GABRA1: variants seen among roughly 807,000 people sequenced by gnomAD.
GABRA1 encodes gamma-aminobutyric acid type A receptor subunit alpha1.
A neutral mutation model predicts 48.9 loss-of-function variants in GABRA1; 9 were observed. That is an observed-to-expected ratio of 0.18 (90% CI 0.11 to 0.32). The LOEUF (loss-of-function observed/expected upper bound fraction) is 0.32. Among genes scored for constraint, GABRA1 ranks in the 10% least tolerant of loss-of-function variants. The probability of loss-of-function intolerance (pLI) is 1.00; values close to 1 mark genes in which losing one functional copy is unlikely to be tolerated. For missense variants in GABRA1, 285 were observed against 553.8 expected, an observed-to-expected ratio of 0.51 and a Z score of 4.87; for synonymous variants, 210 against 198.7, an observed-to-expected ratio of 1.06 and a Z score of -0.48.
intron 1 of GABRA1, 49 bp from the exon 2 acceptor site, chr5:161,850,747 C>T (rs1289214182): frequency 1.3e-6 from 2 of 1,492,252 alleles, no homozygotes; most frequent in South Asian, 1.1e-5. Flanking sequence ...TGGTTATAAC[C>T]TGATGTTTCT....
At chr5:161,858,928 A>G (rs1391100632) in intron 3 of GABRA1, among the ~76,000 whole-genome samples, 2 of 151,824 alleles carry the variant, frequency 1.3e-5, no homozygotes, top group Non-Finnish European at 2.9e-5. Context: ...AGCAAAGGAA[A>G]CAGAGATGAT....
At chr5:161,870,333 G>A (rs1446132666) in intron 4 of GABRA1, among the ~76,000 whole-genome samples, 5 of 151,980 alleles carry the variant, frequency 3.3e-5, no homozygotes, top group African/African-American at 9.7e-5. Flanking sequence ...AGGCCGAGGC[G>A]GGCGGATCAC....
intron 4 of GABRA1, among the ~76,000 whole-genome samples, chr5:161,871,567 A>G (rs1754123122): frequency 6.6e-6 from 1 of 152,136 alleles, no homozygotes; most frequent in African/African-American, 2.4e-5. Context: ...CTCCCTTCCC[A>G]TGGAAAATAC....
chr5:161,871,215 A>G (rs1017765115), intron 4 of GABRA1, among the ~76,000 whole-genome samples: 2 of 152,100 alleles, frequency 1.3e-5, no homozygotes, highest in African/African-American at 4.8e-5. Context: ...CTTAACATTT[A>G]TTTTATTTTC....
intron 6 of GABRA1, among the ~76,000 whole-genome samples, chr5:161,876,895 C>T (rs78477158): frequency 0.011 from 1,607 of 152,156 alleles, 31 homozygotes; most frequent in African/African-American, 0.037. Context: ...GATCATACGC[C>T]GTAGTTTGCC....
chr5:161,881,781 A>G (rs1432885456), intron 6 of GABRA1: 1 of 152,394 alleles, frequency 6.6e-6, no homozygotes, highest in African/African-American at 2.4e-5. Context: ...CAATAGAAGA[A>G]AACACTTGGG....
At chr5:161,859,779 TCAGTCA>T (rs1581183945) in intron 3 of GABRA1, among the ~76,000 whole-genome samples, 1 of 151,828 alleles carries the variant, frequency 6.6e-6, no homozygotes, top group African/African-American at 2.4e-5. Context: ...CAAGATAATT[TCAGTCA>T]CAAAGTGATA....
At chr5:161,854,911 A>G (rs1436675574) in intron 3 of GABRA1, among the ~76,000 whole-genome samples, 1 of 151,604 alleles carries the variant, frequency 6.6e-6, no homozygotes, top group Non-Finnish European at 1.5e-5. Context: ...ATAAGAGTAA[A>G]TAGTTCTAGG....
chr5:161,868,744 T>C (rs1330899078), intron 4 of GABRA1, among the ~76,000 whole-genome samples: 1 of 152,208 alleles, frequency 6.6e-6, no homozygotes, highest in Non-Finnish European at 1.5e-5. Flanking sequence ...CCTTTCTCTT[T>C]TCTTAAAAAA....
chr5:161,874,742 C>G (rs1267917195), intron 5 of GABRA1, among the ~76,000 whole-genome samples: 2 of 152,062 alleles, frequency 1.3e-5, no homozygotes, highest in Non-Finnish European at 2.9e-5. Context: ...ATAAATCTAT[C>G]TTACTACGTT....
chr5:161,882,678 C>G lies in GABRA1; in HGVS notation c.680C>G (p.Ser227Cys). 6.2e-7 allele frequency: 1 copy of G among 1,613,512 alleles called. No homozygotes were observed. Among genetic ancestry groups the G allele is most frequent in the Non-Finnish European group, 8.5e-7 (1 of 1,179,660 alleles). ...QYDLLGQTVD[S>C]GIVQSSTGEY... is the part of the protein sequence containing the mutation. ...GACCTTCTTGGACAAACAGTAGACT[C>G]TGGAATTGTCCAGTCAAGTACAGGT... Residue 227 changes from serine (S) to cysteine (C), a missense_variant, in exon 7 of 10, where the codon TCT becomes TGT. Physicochemically the swap from Ser to Cys is moderately radical, Grantham distance 112 (BLOSUM62 -1). Around this residue, in one of 6 missense-constraint regions of GABRA1, gnomAD observed 105 missense variants for 267.4 expected, o/e 0.39. Transcript: ENST00000393943.
chr5:161,868,555 A>G lies in GABRA1; in HGVS notation c.255+2767A>G, dbSNP rs541211146. 2.4e-3 allele frequency among the ~76,000 whole-genome samples: 360 copies of G among 152,266 alleles called. 1 individual carries two copies. Among genetic ancestry groups the G allele is most frequent in the Non-Finnish European group, 4.0e-3 (271 of 68,022 alleles). ...ATGAAAACATCAAGAGAGGGCATGC[A>G]ACATTCAAAAACATCACACACTGAT... On this transcript the variant is annotated intron_variant, in intron 4 of 9. Transcript: ENST00000393943.
At chr5:161,858,979 G>C (rs1180493923) in intron 3 of GABRA1, among the ~76,000 whole-genome samples, 1 of 151,808 alleles carries the variant, frequency 6.6e-6, no homozygotes, top group Non-Finnish European at 1.5e-5. Flanking sequence ...GAAGAGTGGA[G>C]AGGCAGATGA....
At chr5:161,883,744 C>T (rs1007908446) in intron 7 of GABRA1, among the ~76,000 whole-genome samples, 3 of 152,086 alleles carry the variant, frequency 2.0e-5, no homozygotes, top group Non-Finnish European at 4.4e-5. Context: ...GGGACCCTCA[C>T]AAGCATAATA....
intron 3 of GABRA1, among the ~76,000 whole-genome samples, chr5:161,864,365 T>C (rs1757974756): frequency 6.6e-6 from 1 of 152,034 alleles, no homozygotes; most frequent in African/African-American, 2.4e-5. Flanking sequence ...TATTGTATTG[T>C]TATTGAAGGG....
chr5:161,873,576 G>A (rs912548651), intron 5 of GABRA1, among the ~76,000 whole-genome samples: 1 of 152,056 alleles, frequency 6.6e-6, no homozygotes, highest in African/African-American at 2.4e-5. Flanking sequence ...CTGTAGCTAG[G>A]TGGATTCAAT....
chr5:161,886,965 A>G (rs1441120958), intron 7 of GABRA1, among the ~76,000 whole-genome samples: 1 of 152,116 alleles, frequency 6.6e-6, no homozygotes, highest in African/African-American at 2.4e-5. Context: ...AAAAATTACT[A>G]CAGTGACTTA....
At chr5:161,854,326 A>G in intron 3 of GABRA1, 56 bp downstream of exon 3, 2 of 909,064 alleles carry the variant, frequency 2.2e-6, no homozygotes, top group South Asian at 2.6e-5. Context: ...CTTTACTATC[A>G]CAGCCTTAAT....
chr5:161,897,035 G>A (rs1268683152), intron 9 of GABRA1, 76 bp from the exon 10 acceptor site: 1 of 1,358,970 alleles, frequency 7.4e-7, no homozygotes, highest in African/African-American at 1.4e-5. Flanking sequence ...CAAAATAAGG[G>A]CCACCTTGCT....
Sources: gnomAD v4.1 joint callset for allele counts (sites outside exome capture counted in the v4.1 genomes callset) on GRCh38, gnomAD v4.1.1 for gene constraint, gnomAD v4.1.1 regional missense constraint, MANE v1.5 for transcripts, NCBI Gene and HGNC (gene_info 2026-07-23, HGNC 2026-07-21) for gene names.